HSD17B12: variants seen among roughly 807,000 people sequenced by gnomAD.
The protein encoded by HSD17B12 is hydroxysteroid 17-beta dehydrogenase 12.
Under a neutral mutation model 39.3 loss-of-function variants are expected in HSD17B12, and 32 were observed. The observed-to-expected ratio is 0.81, with a 90% CI of 0.61 to 1.09. HSD17B12 has a LOEUF of 1.09. Among genes scored for constraint, HSD17B12 ranks in the 50% least tolerant of loss-of-function variants. HSD17B12 has a pLI of 0.00. For synonymous variants in HSD17B12, 150 were observed against 146.7 expected (o/e 1.02, Z -0.16); for missense variants, 342 against 382.9 (o/e 0.89, Z 0.89).
At chr11:43,770,333 T>A (rs1257418800) in intron 3 of HSD17B12, among the ~76,000 whole-genome samples, 1 of 152,238 alleles carries the variant, frequency 6.6e-6, no homozygotes, top group Non-Finnish European at 1.5e-5. Context: ...TAGATGGGAA[T>A]GCTCCTGTCA....
At chr11:43,646,395 C>T in the HSD17B12 span, 1 of 152,086 alleles carries the variant, frequency 6.6e-6, no homozygotes, top group Admixed American at 6.5e-5. Context: ...CCATATTGTC[C>T]ATATTTGTTA....
At chr11:43,835,403 T>C (rs1453520742) in intron 7 of HSD17B12, among the ~76,000 whole-genome samples, 1 of 152,164 alleles carries the variant, frequency 6.6e-6, no homozygotes, top group Non-Finnish European at 1.5e-5. Context: ...AGATACTGTA[T>C]ACAGTACAAA....
chr11:43,676,755 C>T (rs138114761), upstream of HSD17B12, among the ~76,000 whole-genome samples: 2 of 152,308 alleles, frequency 1.3e-5, no homozygotes, highest in East Asian at 3.9e-4. Context: ...TATGGATTCA[C>T]AGCATAGTGT....
intron 4 of HSD17B12, among the ~76,000 whole-genome samples, chr11:43,798,937 A>G (rs1394314625): frequency 6.6e-6 from 1 of 151,936 alleles, no homozygotes. Flanking sequence ...GATATTTTTG[A>G]TTTGTCTCTT....
the HSD17B12 span, among the ~76,000 whole-genome samples, chr11:43,589,358 A>C: frequency 6.6e-6 from 1 of 152,174 alleles, no homozygotes; most frequent in Non-Finnish European, 1.5e-5. Context: ...TGCAGGGCTG[A>C]TTATAGGAAG....
At chr11:43,672,209 C>T in the HSD17B12 span, among the ~76,000 whole-genome samples, 8 of 152,228 alleles carry the variant, frequency 5.3e-5, no homozygotes, top group South Asian at 2.1e-4. Context: ...CCACCACGCC[C>T]GGCTAATTTT....
At chr11:43,735,712 G>A (rs561254090) in intron 1 of HSD17B12, among the ~76,000 whole-genome samples, 35 of 152,194 alleles carry the variant, frequency 2.3e-4, no homozygotes, top group African/African-American at 7.9e-4. Flanking sequence ...GTATTAGTAT[G>A]TTTTCACACT....
At chr11:43,772,654 T>C (rs746808085) in intron 3 of HSD17B12, among the ~76,000 whole-genome samples, 2 of 152,204 alleles carry the variant, frequency 1.3e-5, no homozygotes, top group Non-Finnish European at 2.9e-5. Context: ...AAAATGCCGA[T>C]GTACTAGCTT....
At chr11:43,584,025 GC>G in the HSD17B12 span, among the ~76,000 whole-genome samples, 1 of 152,156 alleles carries the variant, frequency 6.6e-6, no homozygotes, top group Non-Finnish European at 1.5e-5. Context: ...AAAGTCACCT[GC>G]CCCCAGTGGG....
intron 9 of HSD17B12, among the ~76,000 whole-genome samples, chr11:43,842,077 T>C (rs1951432101): frequency 6.6e-6 from 1 of 152,178 alleles, no homozygotes; most frequent in Admixed American, 6.5e-5. Context: ...CTAAAGCCTT[T>C]GTTCTTAACC....
At chr11:43,661,389 C>T in the HSD17B12 span, among the ~76,000 whole-genome samples, 95 of 152,154 alleles carry the variant, frequency 6.2e-4, no homozygotes, top group Non-Finnish European at 1.2e-3. Context: ...GTGGTGACTA[C>T]ACATAAAATT....
intron 1 of HSD17B12, among the ~76,000 whole-genome samples, chr11:43,694,436 C>T (rs867956294): frequency 6.6e-6 from 1 of 152,022 alleles, no homozygotes; most frequent in Non-Finnish European, 1.5e-5. Context: ...TGTGGTGGCT[C>T]ATGCCTGTAA....
chr11:43,615,227 C>A, the HSD17B12 span, among the ~76,000 whole-genome samples: 1 of 152,126 alleles, frequency 6.6e-6, no homozygotes, highest in Non-Finnish European at 1.5e-5. Context: ...ATAAGATCTG[C>A]CTTTTGTGGA....
At chr11:43,710,686 G>T (rs1417252542) in intron 1 of HSD17B12, among the ~76,000 whole-genome samples, 1 of 152,152 alleles carries the variant, frequency 6.6e-6, no homozygotes, top group Non-Finnish European at 1.5e-5. Flanking sequence ...TATTGAAGAT[G>T]ATTTTTATTA....
At chr11:43,689,772 C>T (rs1322181487) in intron 1 of HSD17B12, among the ~76,000 whole-genome samples, 2 of 152,082 alleles carry the variant, frequency 1.3e-5, no homozygotes, top group African/African-American at 2.4e-5. Flanking sequence ...TGGTTTTGAA[C>T]TCCTGACCTC....
chr11:43,842,664 A>G (rs1339965213), intron 9 of HSD17B12, among the ~76,000 whole-genome samples: 1 of 152,214 alleles, frequency 6.6e-6, no homozygotes, highest in East Asian at 1.9e-4. Context: ...GAAGGTATTC[A>G]TGGGAAGGTA....
At chr11:43,656,543 T>C in the HSD17B12 span, among the ~76,000 whole-genome samples, 11 of 152,226 alleles carry the variant, frequency 7.2e-5, no homozygotes, top group Admixed American at 6.5e-4. Context: ...CATTTAGTGC[T>C]ATAAATTTCC....
intron 1 of HSD17B12, among the ~76,000 whole-genome samples, chr11:43,691,803 C>T (rs1281939631): frequency 2.0e-5 from 3 of 152,184 alleles, no homozygotes; most frequent in Non-Finnish European, 4.4e-5. Flanking sequence ...CCAGACATGC[C>T]TGTGCTTTCC....
chr11:43,591,375 T>C, the HSD17B12 span, among the ~76,000 whole-genome samples: 4 of 152,164 alleles, frequency 2.6e-5, no homozygotes, highest in Admixed American at 1.3e-4. Flanking sequence ...AGTTATCCTT[T>C]AGGAAGTTTC....
Sources: allele counts gnomAD v4.1 joint callset (sites outside exome capture counted in the v4.1 genomes callset), GRCh38; gene constraint gnomAD v4.1.1; transcripts MANE v1.5; gene names NCBI Gene and HGNC (gene_info 2026-07-23, HGNC 2026-07-21).